The following NSG1 variants were observed in gnomAD, a reference collection of about 807,000 sequenced individuals.
NSG1 encodes neuronal vesicle trafficking associated 1.
Under a neutral mutation model 19.3 loss-of-function variants are expected in NSG1, and 9 were observed. The ratio of observed to expected loss-of-function variants is 0.47; its 90% CI spans 0.28 to 0.81. The LOEUF (loss-of-function observed/expected upper bound fraction) is 0.81. NSG1 is among the 40% of genes least tolerant of loss of function. The pLI is 0.11. For synonymous variants in NSG1, 104 were observed against 107.0 expected (o/e 0.97, Z 0.17); for missense variants, 236 against 242.4 (o/e 0.97, Z 0.18).
At chr4:4,397,788 C>T (rs777334355) in intron 3 of NSG1, among the ~76,000 whole-genome samples, 1 of 152,182 alleles carries the variant, frequency 6.6e-6, no homozygotes, top group Non-Finnish European at 1.5e-5. Flanking sequence ...CCCTGAGGCC[C>T]AGATCCTGTT....
intron 3 of NSG1, among the ~76,000 whole-genome samples, chr4:4,394,576 A>G (rs1032015704): frequency 6.6e-6 from 1 of 152,130 alleles, no homozygotes; most frequent in Non-Finnish European, 1.5e-5. Context: ...GGAGGGGAAC[A>G]AGGCCATGGA....
At chr4:4,413,496 G>A (rs1159689950) in intron 4 of NSG1, among the ~76,000 whole-genome samples, 2 of 151,116 alleles carry the variant, frequency 1.3e-5, no homozygotes, top group Admixed American at 6.6e-5. Context: ...AAGCAGAAGC[G>A]GAGGGTGCGG....
intron 3 of NSG1, among the ~76,000 whole-genome samples, chr4:4,393,499 A>G (rs1159312363): frequency 2.0e-5 from 3 of 152,166 alleles, no homozygotes; most frequent in African/African-American, 7.2e-5. Context: ...GCTCATCCCA[A>G]TAGACTGGCT....
chr4:4,411,603 G>A (rs1346178454), intron 4 of NSG1, among the ~76,000 whole-genome samples: 1 of 152,188 alleles, frequency 6.6e-6, no homozygotes, highest in Non-Finnish European at 1.5e-5. Flanking sequence ...AATTAGCCAG[G>A]CATGGTGGCG....
chr4:4,404,456 G>C (rs899197371), intron 3 of NSG1, among the ~76,000 whole-genome samples: 3 of 152,254 alleles, frequency 2.0e-5, no homozygotes, highest in Admixed American at 6.5e-5. Flanking sequence ...GCCCTTTGCA[G>C]GGTCACTGCG....
chr4:4,408,173 C>T (rs1723969108), intron 3 of NSG1, among the ~76,000 whole-genome samples: 1 of 152,106 alleles, frequency 6.6e-6, no homozygotes, highest in Non-Finnish European at 1.5e-5. Flanking sequence ...GAGGGTCTAC[C>T]CAGTTGAGCT....
chr4:4,396,386 C>T (rs1420452382), intron 3 of NSG1, among the ~76,000 whole-genome samples: 1 of 152,196 alleles, frequency 6.6e-6, no homozygotes, highest in Non-Finnish European at 1.5e-5. Flanking sequence ...GGTCTCCACA[C>T]CCTGTTTGCC....
chr4:4,404,834 G>T (rs532598874), intron 3 of NSG1, among the ~76,000 whole-genome samples: 7 of 152,184 alleles, frequency 4.6e-5, no homozygotes, highest in Admixed American at 6.5e-5. Context: ...TTGGTGTCCC[G>T]ATAGAGGCTG....
At chr4:4,416,669 C>G (rs192060738) in intron 4 of NSG1, among the ~76,000 whole-genome samples, 2 of 152,262 alleles carry the variant, frequency 1.3e-5, no homozygotes, top group African/African-American at 4.8e-5. Context: ...TCCCCCAACC[C>G]ACGGCCCCTC....
chr4:4,395,527 G>A (rs1357385486), intron 3 of NSG1, among the ~76,000 whole-genome samples: 1 of 152,168 alleles, frequency 6.6e-6, no homozygotes, highest in Non-Finnish European at 1.5e-5. Flanking sequence ...GCAGCTGGTT[G>A]AGGGCTGGGC....
chr4:4,401,471 C>T (rs192345167), intron 3 of NSG1, among the ~76,000 whole-genome samples: 54 of 152,270 alleles, frequency 3.5e-4, no homozygotes, highest in Middle Eastern at 3.4e-3. Context: ...GCTTCAGGCC[C>T]GTGGCACAAA....
chr4:4,395,803 T>C (rs1408169650), intron 3 of NSG1, among the ~76,000 whole-genome samples: 2 of 152,234 alleles, frequency 1.3e-5, no homozygotes, highest in African/African-American at 2.4e-5. Context: ...CTTTCCGATC[T>C]TGAAGTGACA....
intron 4 of NSG1, among the ~76,000 whole-genome samples, chr4:4,413,468 A>G (rs991070408): frequency 8.6e-5 from 13 of 150,886 alleles, no homozygotes; most frequent in African/African-American, 3.2e-4. Flanking sequence ...GGCTGAGAGG[A>G]CACCAGGGCT....
At chr4:4,387,546 C>A in intron 1 of NSG1, 58 bp from the exon 2 acceptor site, 1 of 513,848 alleles carries the variant, frequency 1.9e-6, no homozygotes, top group Non-Finnish European at 3.6e-6. Flanking sequence ...TGCCCACTTC[C>A]CCCCCGCCCC....
chr4:4,417,145 G>T (rs907336293), intron 4 of NSG1, 90 bp from the exon 5 acceptor site: 29 of 1,060,870 alleles, frequency 2.7e-5, no homozygotes, highest in Non-Finnish European at 3.9e-5. Flanking sequence ...GCTCAGGGAA[G>T]GTGCTCAGTA....
rs1724652980 is a variant in NSG1, at chr4:4,417,648, A to G, written c.*213A>G. 1.8e-6 allele frequency: 1 copy of G among 568,706 alleles called. No homozygotes were observed. Among genetic ancestry groups the G allele is most frequent in the Non-Finnish European group, 3.1e-6 (1 of 320,336 alleles). 35.2% of individuals were successfully genotyped at this position (568,706 alleles called of 1,614,324 possible). ...TTTCAGCATTGCCTAAAGAGCTCTGACACCACTTTTCATGTTAAGATCTTC... is the reference window on the plus strand; with the variant it reads ...TTTCAGCATTGCCTAAAGAGCTCTGGCACCACTTTTCATGTTAAGATCTTC... On this transcript the variant is annotated 3_prime_UTR_variant, in exon 5 of 5. Transcript: ENST00000621129.
At chr4:4,394,901 C>A (rs1042240730) in intron 3 of NSG1, among the ~76,000 whole-genome samples, 1 of 152,208 alleles carries the variant, frequency 6.6e-6, no homozygotes, top group Non-Finnish European at 1.5e-5. Context: ...AAGCCTCTAA[C>A]AGGTGATGCC....
At chr4:4,395,895 T>A (rs1455297285) in intron 3 of NSG1, among the ~76,000 whole-genome samples, 2 of 152,208 alleles carry the variant, frequency 1.3e-5, no homozygotes, top group Admixed American at 6.5e-5. Flanking sequence ...ATGGCATCCT[T>A]GAAACGGAGT....
chr4:4,398,999 A>G (rs1723409380), intron 3 of NSG1, among the ~76,000 whole-genome samples: 1 of 152,172 alleles, frequency 6.6e-6, no homozygotes. Flanking sequence ...ATGAAGTAGT[A>G]TCTCATTATG....
Sources: allele counts gnomAD v4.1 joint callset (sites outside exome capture counted in the v4.1 genomes callset), GRCh38; gene constraint gnomAD v4.1.1; transcripts MANE v1.5; gene names NCBI Gene and HGNC (gene_info 2026-07-23, HGNC 2026-07-21).